The following WDR49 variants were observed in gnomAD, a reference collection of about 807,000 sequenced individuals.
The protein encoded by WDR49 is WD repeat domain 49, also known as cilia- and flagella-associated protein 337.
In WDR49, 107 loss-of-function variants were observed where a neutral mutation model predicts 119.5. That is an observed-to-expected ratio of 0.90 (90% CI 0.77 to 1.05). The LOEUF (loss-of-function observed/expected upper bound fraction) is 1.05, where lower values mean the gene tolerates loss of function less well. Ranked by LOEUF, WDR49 falls within the 50% of genes least tolerant of loss-of-function variation. The pLI is 0.00. For missense variants in WDR49, 1,240 were observed against 1,220.5 expected, an observed-to-expected ratio of 1.02 and a Z score of -0.24; for synonymous variants, 425 against 418.8, an observed-to-expected ratio of 1.01 and a Z score of -0.18.
At chr3:167,598,720 G>A (rs1359956025) in intron 7 of WDR49, among the ~76,000 whole-genome samples, 1 of 152,184 alleles carries the variant, frequency 6.6e-6, no homozygotes, top group East Asian at 1.9e-4. Flanking sequence ...TGTGAAAATG[G>A]ACTAATACAT....
Position 167,527,740 on chromosome 3 carries a change from T to C in WDR49, c.2604+80A>G, listed in dbSNP as rs147369353. 4.4e-6 allele frequency: 6 copies of C among 1,367,262 alleles called. No individual in the cohort carries two copies. The East Asian group carries it at 1.5e-4, about 33-fold the overall frequency. The allele number at this position is 1,367,262 out of a possible 1,614,324, so 84.7% of individuals were successfully genotyped here. On this transcript the variant is annotated intron_variant, in intron 15 of 18. Transcript: ENST00000682715. ...TGACTAATGAACATTAAACAGCTGATGAGATTCAAATAGAAATCAGCCCAA... is the reference window on the plus strand; with the variant it reads ...TGACTAATGAACATTAAACAGCTGACGAGATTCAAATAGAAATCAGCCCAA...
intron 10 of WDR49, among the ~76,000 whole-genome samples, chr3:167,544,266 T>C (rs1422212965): frequency 6.6e-6 from 1 of 151,858 alleles, no homozygotes. Flanking sequence ...ATTCAAGCAA[T>C]TCCCATGAAA....
At chr3:167,526,967 T>C (rs1752656544) in intron 15 of WDR49, among the ~76,000 whole-genome samples, 1 of 152,136 alleles carries the variant, frequency 6.6e-6, no homozygotes, top group Non-Finnish European at 1.5e-5. Flanking sequence ...TGAAACATAT[T>C]TTGTCCGCAA....
chr3:167,619,312 C>A (rs897304690), intron 5 of WDR49, among the ~76,000 whole-genome samples: 17 of 152,062 alleles, frequency 1.1e-4, no homozygotes, highest in African/African-American at 3.9e-4. Context: ...TTTTAATACT[C>A]TGATTCTTAT....
At chr3:167,556,613 C>A (rs984229400) in intron 9 of WDR49, among the ~76,000 whole-genome samples, 2 of 152,232 alleles carry the variant, frequency 1.3e-5, no homozygotes, top group Non-Finnish European at 2.9e-5. Context: ...AGGCCAGGCA[C>A]CGTGGCTCAT....
At chr3:167,575,121 G>A (rs752729455) in intron 8 of WDR49, 79 of 985,246 alleles carry the variant, frequency 8.0e-5, no homozygotes, top group Non-Finnish European at 8.7e-5. Context: ...CTGTAAGCTG[G>A]AGACTTGCTT....
intron 16 of WDR49, among the ~76,000 whole-genome samples, chr3:167,512,022 C>T (rs542997211): frequency 8.5e-5 from 13 of 152,184 alleles, no homozygotes; most frequent in Non-Finnish European, 1.8e-4. Context: ...CTTAGCCTTT[C>T]CTTCTGCTGG....
intron 11 of WDR49, 72 bp from the exon 12 acceptor site, chr3:167,533,049 A>T: frequency 1.8e-6 from 2 of 1,125,636 alleles, no homozygotes; most frequent in Non-Finnish European, 2.6e-6. Context: ...CAGCAATCAG[A>T]AGAAGTTATT....
At chr3:167,479,098 A>C in intron 18 of WDR49, 102 bp from the exon 19 acceptor site, 1 of 913,720 alleles carries the variant, frequency 1.1e-6, no homozygotes, top group Non-Finnish European at 1.6e-6. Flanking sequence ...TTTTTCTAAA[A>C]ATCTTTGTTT....
chr3:167,574,142 G>C (rs943934699), intron 8 of WDR49, among the ~76,000 whole-genome samples: 8 of 152,112 alleles, frequency 5.3e-5, no homozygotes, highest in African/African-American at 1.9e-4. Context: ...ATCCTGTGAT[G>C]AGCACCTGTC....
At chr3:167,637,452 C>G (rs1717675189) in intron 2 of WDR49, among the ~76,000 whole-genome samples, 1 of 151,726 alleles carries the variant, frequency 6.6e-6, no homozygotes, top group South Asian at 2.1e-4. Flanking sequence ...GTTCTTTTTG[C>G]TTAGTCTTGC....
chr3:167,542,159 G>C (rs1560277128), intron 10 of WDR49, among the ~76,000 whole-genome samples: 1 of 152,078 alleles, frequency 6.6e-6, no homozygotes, highest in Non-Finnish European at 1.5e-5. Flanking sequence ...GTAGACATAA[G>C]AAATGAGATA....
chr3:167,523,626 T>C (rs1752532473), intron 15 of WDR49, among the ~76,000 whole-genome samples: 1 of 152,134 alleles, frequency 6.6e-6, no homozygotes, highest in Non-Finnish European at 1.5e-5. Context: ...AACTCTCACT[T>C]ATGAGTGAGA....
intron 18 of WDR49, among the ~76,000 whole-genome samples, chr3:167,495,883 G>GAAAAAAAAAAAAAAAAAAA: frequency 2.8e-5 from 2 of 71,228 alleles, no homozygotes; most frequent in Non-Finnish European, 2.7e-5. Flanking sequence ...TTAAAAATTT[G>GAAAAAAAAAAAAAAAAAAA]AAAAAAAAAA....
At chr3:167,617,039 G>A (rs1391156924) in intron 5 of WDR49, among the ~76,000 whole-genome samples, 3 of 152,136 alleles carry the variant, frequency 2.0e-5, no homozygotes, top group South Asian at 2.1e-4. Flanking sequence ...GGTTTGGTTC[G>A]CAGGGTGGGC....
chr3:167,549,667 T>C (rs979019271), intron 10 of WDR49, among the ~76,000 whole-genome samples: 8 of 152,184 alleles, frequency 5.3e-5, no homozygotes, highest in Admixed American at 4.6e-4. Context: ...GATGGTAGTT[T>C]CTTTTGCTAT....
At chr3:167,563,353 C>CAAAAATAAAAA (rs1713389808) in intron 8 of WDR49, among the ~76,000 whole-genome samples, 1 of 55,854 alleles carries the variant, frequency 1.8e-5, no homozygotes, top group African/African-American at 6.5e-5. Flanking sequence ...GATTCTGAAT[C>CAAAAATAAAAA]AAAAAAAAAA....
chr3:167,646,386 T>A (rs950899765), intron 2 of WDR49, among the ~76,000 whole-genome samples: 5 of 152,134 alleles, frequency 3.3e-5, no homozygotes, highest in African/African-American at 1.2e-4. Context: ...TTCTAAGACA[T>A]GGGCAGTCTG....
intron 18 of WDR49, among the ~76,000 whole-genome samples, chr3:167,496,153 T>C (rs1010778617): frequency 6.6e-6 from 1 of 152,112 alleles, no homozygotes; most frequent in Admixed American, 6.6e-5. Context: ...GAACAATCAC[T>C]TTAAGAATAA....
Sources: allele counts gnomAD v4.1 joint callset (sites outside exome capture counted in the v4.1 genomes callset), GRCh38; gene constraint gnomAD v4.1.1; transcripts MANE v1.5; gene names NCBI Gene and HGNC (gene_info 2026-07-23, HGNC 2026-07-21).